CKAP2L: variants seen among roughly 807,000 people sequenced by gnomAD.
The protein encoded by CKAP2L is cytoskeleton-associated protein 2-like.
A neutral mutation model predicts 65.7 loss-of-function variants in CKAP2L; 42 were observed. The observed-to-expected ratio is 0.64, with a 90% CI of 0.50 to 0.83. CKAP2L has a LOEUF of 0.83. CKAP2L is among the 40% of genes least tolerant of loss of function. The pLI is 0.00. For synonymous variants in CKAP2L, 325 were observed against 313.5 expected (o/e 1.04, Z -0.39); for missense variants, 908 against 871.0 (o/e 1.04, Z -0.53).
At chr2:112,761,361 T>C (rs1426162958) in intron 2 of CKAP2L, among the ~76,000 whole-genome samples, 1 of 146,452 alleles carries the variant, frequency 6.8e-6, no homozygotes. Context: ...CTCGGGAGGC[T>C]GAGGCAGGAA....
At chr2:112,742,080 G>A (rs994259270) in intron 7 of CKAP2L, among the ~76,000 whole-genome samples, 1 of 151,174 alleles carries the variant, frequency 6.6e-6, no homozygotes, top group Non-Finnish European at 1.5e-5. Flanking sequence ...GTGAGCTACC[G>A]TATGCAGCCT....
At chr2:112,759,804 G>A (rs1231715775) in intron 3 of CKAP2L, among the ~76,000 whole-genome samples, 1 of 152,120 alleles carries the variant, frequency 6.6e-6, no homozygotes, top group Non-Finnish European at 1.5e-5. Context: ...TGACTGAAGT[G>A]ATTTGGTGAA....
rs1680560311 is a variant in CKAP2L, at chr2:112,756,975, T to C, written c.396A>G (p.Gly132=). 4 of 1,614,136 alleles carry C rather than the reference T, an allele frequency of 2.5e-6. No individual in the cohort carries two copies. The highest frequency in any genetic ancestry group is 1.7e-5 in the Admixed American group (1 of 60,010). The part of the protein sequence containing the change: ...QQCEAGSSTT[G]ELSRKPVGSL... ...ACCCCACAGGTTTTCTTGACAGTTC[T>C]CCTGTTGTGGACGATCCAGCTTCAC... The change falls in exon 4 of 9, where the codon GGA becomes GGG. Residue 132 remains glycine (G), a synonymous_variant. Coordinates refer to ENST00000302450, the MANE Select transcript of CKAP2L (RefSeq NM_152515.5).
chr2:112,756,455 T>A lies in CKAP2L; in HGVS notation c.916A>T (p.Asn306Tyr), dbSNP rs772047220. 6 of 1,613,360 alleles carry A rather than the reference T, an allele frequency of 3.7e-6. No individual in the cohort carries two copies. The East Asian group carries it at 1.1e-4, about 30-fold the overall frequency. ...TTTGGTCTTTCATATTGACTCCTAT[T>A]AACCTTTATATCTTTGATGTTCTTG... ...VVKNIKDIKVNRSQYERPNET... is the reference protein window; with the variant it reads ...VVKNIKDIKVYRSQYERPNET... The change falls in exon 4 of 9, where the codon AAT becomes TAT. Residue 306 changes from asparagine (N) to tyrosine (Y), a missense_variant. Transcript: ENST00000302450.
At chr2:112,747,503 G>A (rs1680238393) in intron 5 of CKAP2L, among the ~76,000 whole-genome samples, 1 of 152,214 alleles carries the variant, frequency 6.6e-6, no homozygotes. Flanking sequence ...GTGTATATGT[G>A]TAAGTGTCAG....
At chr2:112,762,479 G>C (rs754163966) in intron 2 of CKAP2L, 24 bp downstream of exon 2, 7 of 1,600,894 alleles carry the variant, frequency 4.4e-6, no homozygotes, top group Admixed American at 3.3e-5. Flanking sequence ...CAAAACTTGC[G>C]TAACTGTGGA....
At position 112,752,487 on chromosome 2, in the gene CKAP2L, T is replaced by C; in HGVS notation, c.1395-13A>G. 6.5e-7 allele frequency: 1 copy of C among 1,527,148 alleles called. No individual in the cohort carries two copies. 94.6% of individuals were successfully genotyped at this position (1,527,148 alleles called of 1,614,324 possible). A position where few individuals can be genotyped will look rare whatever the true frequency, so the allele number is the denominator to read the frequency against. The stretch of plus-strand genomic sequence containing the variant: ...TTCTAGTTGTTTCCTGAAATTCAAT[T>C]AAAGGGAGAGTGGTTTTATTTATTT... On this transcript the variant is annotated splice_polypyrimidine_tract_variant and intron_variant, in intron 4 of 8. Coordinates refer to ENST00000302450, the MANE Select transcript of CKAP2L (RefSeq NM_152515.5).
At position 112,762,538 on chromosome 2, in the gene CKAP2L, A is replaced by C. The variant is rs759593341; in HGVS notation, c.69T>G (p.Leu23=). 4 of 1,614,000 alleles carry C rather than the reference A, an allele frequency of 2.5e-6. No individual in the cohort carries two copies. Among genetic ancestry groups the C allele is most frequent in the South Asian group, 2.2e-5 (2 of 91,092 alleles). Residue 23 remains leucine, a synonymous_variant, in exon 2 of 9, where the codon CTT becomes CTG. Transcript: ENST00000302450. ...EERQRKLQEY[L]AAKGKLKSQN... ...GGCTCTTCAGTTTTCCCTTGGCTGC[A>C]AGGTACTCCTGAAGCTTTCTCTGCC...
intron 3 of CKAP2L, among the ~76,000 whole-genome samples, chr2:112,758,857 TAGAA>T (rs1194530586): frequency 6.6e-6 from 1 of 152,182 alleles, no homozygotes; most frequent in Non-Finnish European, 1.5e-5. Context: ...TTCATCACCC[TAGAA>T]AGAAACTTGG....
intron 2 of CKAP2L, 80 bp downstream of exon 2, chr2:112,762,423 G>T: frequency 1.9e-6 from 2 of 1,052,526 alleles, no homozygotes; most frequent in Non-Finnish European, 3.0e-6. Flanking sequence ...TAAGCAAAAG[G>T]GACATTTTTC....
intron 4 of CKAP2L, among the ~76,000 whole-genome samples, chr2:112,753,954 T>C (rs555622578): frequency 3.9e-4 from 59 of 152,340 alleles, no homozygotes; most frequent in Non-Finnish European, 6.9e-4. Context: ...AGTCAATGTG[T>C]TGGTTTTCTG....
Position 112,760,758 on chromosome 2 carries a change from A to G in CKAP2L, c.111T>C (p.Tyr37=). The G allele has an allele frequency of 1.2e-5, 18 of 1,496,134 alleles. No homozygotes were observed. Among genetic ancestry groups the G allele is most frequent in the Non-Finnish European group, 1.7e-5 (18 of 1,085,912 alleles). 92.7% of individuals were successfully genotyped at this position (1,496,134 alleles called of 1,614,324 possible). ...GKLKSQNTKP[Y]LKSKNNCQNQ... is the part of the protein sequence containing the mutation. ...TCTGGCAATTATTCTTGGATTTTAG[A>G]TAAGGCCTATAAAAGACAAATTAAA... is the stretch of plus-strand genomic sequence containing the variant. Residue 37 remains tyrosine, a synonymous_variant, in exon 3 of 9, where the codon TAT becomes TAC. Transcript: ENST00000302450.
At chr2:112,742,623 T>C (rs1052776433) in intron 7 of CKAP2L, 83 bp downstream of exon 7, 1 of 960,844 alleles carries the variant, frequency 1.0e-6, no homozygotes, top group South Asian at 1.4e-5. Flanking sequence ...GGGATGATTC[T>C]TTTCTTCTTT....
In CKAP2L at chr2:112,740,745, C is replaced by G. The variant is rs1679880406; in HGVS notation, c.2012+73G>C. On this transcript the variant is annotated intron_variant, in intron 8 of 8. Transcript: ENST00000302450. ...AGGTCAGGTCTCAGTTACTCTAGAT[C>G]TGTGAAGGAAAAATCGAGACTTGGA... 2.4e-6 allele frequency: 3 copies of G among 1,267,630 alleles called. No individual in the cohort carries two copies. In the South Asian group the frequency reaches 4.1e-5, roughly 17 times the overall value. 78.5% of individuals were successfully genotyped at this position (1,267,630 alleles called of 1,614,324 possible). A position where few individuals can be genotyped will look rare whatever the true frequency, so the allele number is the denominator to read the frequency against.
At chr2:112,745,100 T>A (rs545107456) in intron 6 of CKAP2L, among the ~76,000 whole-genome samples, 1 of 152,244 alleles carries the variant, frequency 6.6e-6, no homozygotes, top group African/African-American at 2.4e-5. Context: ...GAAAGACAGC[T>A]GGTGAAGACG....
At position 112,756,456 on chromosome 2, in the gene CKAP2L, A is replaced by G. The variant is rs775560983; in HGVS notation, c.915T>C (p.Val305=). ...TTGGTCTTTCATATTGACTCCTATT[A>G]ACCTTTATATCTTTGATGTTCTTGA... is the stretch of plus-strand genomic sequence containing the variant. ...PVVKNIKDIK[V]NRSQYERPNE... is the part of the protein sequence containing the mutation. Residue 305 remains valine, a synonymous_variant, in exon 4 of 9, where the codon GTT becomes GTC. Coordinates refer to ENST00000302450, the MANE Select transcript of CKAP2L (RefSeq NM_152515.5). 2 of 1,613,296 alleles carry G rather than the reference A, an allele frequency of 1.2e-6. No individual in the cohort carries two copies. The highest frequency in any genetic ancestry group is 1.7e-6 in the Non-Finnish European group (2 of 1,179,720).
chr2:112,737,443 T>C lies in CKAP2L; in HGVS notation c.*1380A>G, dbSNP rs1350226081. The C allele has an allele frequency of 6.6e-6, 1 of 152,238 alleles. No individual in the cohort carries two copies. The highest frequency in any genetic ancestry group is 1.5e-5 in the Non-Finnish European group (1 of 68,034). The allele number at this position is 152,238 out of a possible 1,614,324, so 9.4% of individuals were successfully genotyped here. A position where few individuals can be genotyped will look rare whatever the true frequency, so the allele number is the denominator to read the frequency against. On this transcript the variant is annotated 3_prime_UTR_variant, in exon 9 of 9. Transcript: ENST00000302450. Reference sequence around the variant, plus strand: ...ATAGATGTGAGGTGATAGCTCACAGTGGTTTTAATTTACATTATTCTTATG... The same window carrying C: ...ATAGATGTGAGGTGATAGCTCACAGCGGTTTTAATTTACATTATTCTTATG...
chr2:112,738,462 A>G lies in CKAP2L; in HGVS notation c.*361T>C, dbSNP rs1177847446. ...ACGATGAAAGAACTTGCCCTCTGCT[A>G]AGGTGGATGCAGAAAGAAAAGTCCC... is the stretch of plus-strand genomic sequence containing the variant. On this transcript the variant is annotated 3_prime_UTR_variant, in exon 9 of 9. Transcript: ENST00000302450. 4.7e-6 allele frequency: 1 copy of G among 214,514 alleles called. No homozygotes were observed. Among genetic ancestry groups the G allele is most frequent in the Non-Finnish European group, 9.4e-6 (1 of 106,414 alleles). The allele number at this position is 214,514 out of a possible 1,614,324, so 13.3% of individuals were successfully genotyped here. A position where few individuals can be genotyped will look rare whatever the true frequency, so the allele number is the denominator to read the frequency against.
At chr2:112,746,299 A>G in intron 6 of CKAP2L, 121 bp downstream of exon 6, 2 of 688,192 alleles carry the variant, frequency 2.9e-6, no homozygotes, top group Non-Finnish European at 4.6e-6. Flanking sequence ...ATGGTAAGGT[A>G]TGACTTTATA....
Sources: allele counts gnomAD v4.1 joint callset (sites outside exome capture counted in the v4.1 genomes callset), GRCh38; gene constraint gnomAD v4.1.1; transcripts MANE v1.5; gene names NCBI Gene and HGNC (gene_info 2026-07-23, HGNC 2026-07-21).